Variants in ITPR2 observed in about 807,000 individuals in gnomAD.
ITPR2 encodes inositol 1,4,5-trisphosphate-gated calcium channel ITPR2.
In ITPR2, 207 loss-of-function variants were observed where a neutral mutation model predicts 317.1. The ratio of observed to expected loss-of-function variants is 0.65; its 90% confidence interval spans 0.58 to 0.73. The LOEUF (loss-of-function observed/expected upper bound fraction) is 0.73, where lower values mean the gene tolerates loss of function less well. ITPR2 is among the 30% of genes least tolerant of loss of function. ITPR2 has a pLI of 0.00. For synonymous variants in ITPR2, 1,156 were observed against 1,149.1 expected, an observed-to-expected ratio of 1.01 and a Z score of -0.12; for missense variants, 2,613 against 3,284.0, an observed-to-expected ratio of 0.80 and a Z score of 4.99.
chr12:26,486,193 C>G lies in ITPR2; in HGVS notation c.5722G>C (p.Glu1908Gln). ...AGNTEEKSAE[E>Q]VTMSPAIAIM... ...GCAATTGCGGGACTCATTGTTACTTCCTCTGCGGATTTTTCCTCAGTGTTT... is the reference window on the plus strand; with the variant it reads ...GCAATTGCGGGACTCATTGTTACTTGCTCTGCGGATTTTTCCTCAGTGTTT... The change falls in exon 41 of 57, where the codon GAA becomes CAA. Residue 1908 changes from glutamate (E) to glutamine (Q), a missense_variant. Around this residue, in one of 9 missense-constraint regions of ITPR2, gnomAD observed 926 missense variants for 1,072.8 expected, o/e 0.86. Coordinates refer to ENST00000381340, the MANE Select transcript of ITPR2 (RefSeq NM_002223.4). 6.2e-7 allele frequency: 1 copy of G among 1,614,110 alleles called. No individual in the cohort carries two copies. Among genetic ancestry groups the G allele is most frequent in the Non-Finnish European group, 8.5e-7 (1 of 1,180,000 alleles).
chr12:26,635,446 GA>G (rs1946845438), intron 21 of ITPR2, among the ~76,000 whole-genome samples: 1 of 152,146 alleles, frequency 6.6e-6, no homozygotes, highest in Non-Finnish European at 1.5e-5. Context: ...AGACATTTCT[GA>G]AACATTCTCA....
At chr12:26,361,000 G>A (rs926186257) in intron 55 of ITPR2, among the ~76,000 whole-genome samples, 1 of 152,124 alleles carries the variant, frequency 6.6e-6, no homozygotes, top group South Asian at 2.1e-4. Context: ...GATCACCTGA[G>A]GTCAGGAGTT....
At chr12:26,748,353 C>G (rs769206672) in intron 2 of ITPR2, among the ~76,000 whole-genome samples, 1 of 152,152 alleles carries the variant, frequency 6.6e-6, no homozygotes, top group Non-Finnish European at 1.5e-5. Flanking sequence ...GCCACAGCAC[C>G]CAGCCGAGGC....
At chr12:26,678,197 C>A (rs997980545) in intron 13 of ITPR2, among the ~76,000 whole-genome samples, 2 of 152,214 alleles carry the variant, frequency 1.3e-5, no homozygotes, top group East Asian at 3.8e-4. Context: ...TGTGTCACTT[C>A]CTCAAGTTCT....
At position 26,724,713 on chromosome 12, in the gene ITPR2, A is replaced by G; in HGVS notation, c.309T>C (p.Asn103=). 6.2e-7 allele frequency: 1 copy of G among 1,606,872 alleles called. No homozygotes were observed. The highest frequency in any genetic ancestry group is 8.5e-7 in the Non-Finnish European group (1 of 1,175,002). ...QHAAELEQKQ[N]ESENKKLLGE... ...CCAACAGTTTCTTATTCTCCGATTC[A>G]TTTTGTTTTTGTTCCAGTTCTGCAG... The change falls in exon 4 of 57, where the codon AAT becomes AAC. Residue 103 remains asparagine (N), a synonymous_variant. Transcript: ENST00000381340.
At chr12:26,498,526 T>C (rs1428244354) in intron 37 of ITPR2, among the ~76,000 whole-genome samples, 2 of 152,230 alleles carry the variant, frequency 1.3e-5, no homozygotes, top group Non-Finnish European at 2.9e-5. Flanking sequence ...ACCCATAAAC[T>C]ACAGGGTTGA....
In ITPR2 at chr12:26,398,059, T is replaced by G. The variant is rs1033021501; in HGVS notation, c.7696+817A>C. The stretch of plus-strand genomic sequence containing the variant: ...TGACAGGAGAAGGGGAGGGGAGTGG[T>G]GTGTGTGTGTGTGTGTGTGTGTGTG... On this transcript the variant is annotated intron_variant, in intron 54 of 56. Coordinates refer to ENST00000381340, the MANE Select transcript of ITPR2 (RefSeq NM_002223.4). Among the ~76,000 whole-genome samples, 4 of 70,502 alleles carry G rather than the reference T, an allele frequency of 5.7e-5. No individual in the cohort carries two copies. In the South Asian group the frequency reaches 2.4e-3, roughly 42 times the overall value. The allele number at this position is 70,502 out of a possible 152,430, so 46.3% of individuals were successfully genotyped here.
chr12:26,405,654 T>C (rs1486807209), intron 52 of ITPR2, among the ~76,000 whole-genome samples: 1 of 152,224 alleles, frequency 6.6e-6, no homozygotes, highest in Non-Finnish European at 1.5e-5. Flanking sequence ...TCAGTGTTTG[T>C]TATGGTTTCT....
At chr12:26,802,658 T>TATAG (rs1474581661) in intron 1 of ITPR2, among the ~76,000 whole-genome samples, 40 of 140,494 alleles carry the variant, frequency 2.8e-4, no homozygotes, top group Admixed American at 1.8e-3. Context: ...GATAGATATC[T>TATAG]ATATATACAT....
At chr12:26,382,087 C>T (rs781122541) in intron 55 of ITPR2, among the ~76,000 whole-genome samples, 15 of 152,112 alleles carry the variant, frequency 9.9e-5, no homozygotes, top group Admixed American at 3.9e-4. Flanking sequence ...TGCTCAAAGG[C>T]CATTATCAGT....
chr12:26,677,941 T>C (rs1219928194), intron 13 of ITPR2, among the ~76,000 whole-genome samples: 1 of 152,130 alleles, frequency 6.6e-6, no homozygotes, highest in Non-Finnish European at 1.5e-5. Context: ...TGGGCTCCTA[T>C]CATGGGGAAT....
At chr12:26,792,704 A>G (rs1448907494) in intron 1 of ITPR2, among the ~76,000 whole-genome samples, 3 of 152,176 alleles carry the variant, frequency 2.0e-5, no homozygotes, top group Admixed American at 1.3e-4. Flanking sequence ...ATATTTGTTA[A>G]ATAAATAAAT....
intron 13 of ITPR2, among the ~76,000 whole-genome samples, chr12:26,671,877 G>A (rs1192480434): frequency 2.0e-4 from 30 of 151,738 alleles, no homozygotes; most frequent in African/African-American, 5.8e-4. Flanking sequence ...AATGGAAAAC[G>A]AAAAAAGGCA....
chr12:26,463,698 C>CA (rs11362863), intron 45 of ITPR2, among the ~76,000 whole-genome samples: 195 of 138,762 alleles, frequency 1.4e-3, no homozygotes, highest in African/African-American at 4.5e-3. Flanking sequence ...AACAAACAAA[C>CA]AAAAAAAAAA....
Position 26,665,953 on chromosome 12 carries a change from C to A in ITPR2, c.1508G>T (p.Arg503Leu). 6.2e-7 allele frequency: 1 copy of A among 1,613,810 alleles called. No individual in the cohort carries two copies. The highest frequency in any genetic ancestry group is 8.5e-7 in the Non-Finnish European group (1 of 1,179,880). The part of the protein sequence containing the change: ...VLDVVITKPN[R>L]ERQKLMREQN... ...TTCCCTCATCAATTTTTGACGCTCT[C>A]GGTTTGGCTTAGTGATAACCACATC... The change falls in exon 14 of 57, where the codon CGA (arginine) becomes CTA (leucine). Residue 503 changes from arginine (R) to leucine (L), a missense_variant. By Grantham distance (102) the Arg-to-Leu change is moderately radical. Around this residue, in one of 9 missense-constraint regions of ITPR2, gnomAD observed 515 missense variants for 789.4 expected, o/e 0.65. Transcript: ENST00000381340.
intron 1 of ITPR2, among the ~76,000 whole-genome samples, chr12:26,811,225 A>G (rs2137265635): frequency 6.6e-6 from 1 of 152,340 alleles, no homozygotes; most frequent in Non-Finnish European, 1.5e-5. Context: ...TAAACACAAA[A>G]TAAAATCAAG....
chr12:26,423,479 G>A (rs1940955323), intron 49 of ITPR2, among the ~76,000 whole-genome samples: 1 of 151,990 alleles, frequency 6.6e-6, no homozygotes, highest in Non-Finnish European at 1.5e-5. Context: ...ACATTTCCAG[G>A]TACTATTAGA....
intron 34 of ITPR2, among the ~76,000 whole-genome samples, chr12:26,564,628 G>A (rs1944900664): frequency 6.6e-6 from 1 of 152,180 alleles, no homozygotes; most frequent in Admixed American, 6.5e-5. Flanking sequence ...AGAAGGGAAG[G>A]AGAGACACAG....
chr12:26,411,915 G>T (rs1300624684), intron 51 of ITPR2, among the ~76,000 whole-genome samples: 1 of 152,124 alleles, frequency 6.6e-6, no homozygotes, highest in Non-Finnish European at 1.5e-5. Flanking sequence ...CCAGATCTGT[G>T]TTCAGGATCT....
Sources: gnomAD v4.1 joint callset for allele counts (sites outside exome capture counted in the v4.1 genomes callset) on GRCh38, gnomAD v4.1.1 for gene constraint, gnomAD v4.1.1 regional missense constraint, MANE v1.5 for transcripts, NCBI Gene and HGNC (gene_info 2026-07-23, HGNC 2026-07-21) for gene names.